TRDN: variants seen among roughly 807,000 people sequenced by gnomAD.
TRDN encodes triadin, also known as triadin in skeletal muscle.
Under a neutral mutation model 149.7 loss-of-function variants are expected in TRDN, and 161 were observed. The ratio of observed to expected loss-of-function variants is 1.08; its 90% CI spans 0.95 to 1.23. TRDN has a LOEUF of 1.23. Among genes scored for constraint, TRDN ranks in the 50% most tolerant of loss-of-function variants. The pLI, the probability that TRDN is intolerant of heterozygous loss-of-function variation, is 0.00. For synonymous variants in TRDN, 294 were observed against 250.5 expected (o/e 1.17, Z -1.64); for missense variants, 896 against 823.5 (o/e 1.09, Z -1.08).
chr6:123,465,635 A>G (rs536254859), intron 9 of TRDN, among the ~76,000 whole-genome samples: 1 of 151,534 alleles, frequency 6.6e-6, no homozygotes, highest in South Asian at 2.1e-4. Flanking sequence ...GAAAACCCAC[A>G]ATCATTTCCA....
intron 35 of TRDN, among the ~76,000 whole-genome samples, chr6:123,259,224 T>C (rs2114585822): frequency 6.6e-6 from 1 of 152,264 alleles, no homozygotes; most frequent in East Asian, 1.9e-4. Context: ...CTTTTCATTG[T>C]GATGTTAGGG....
intron 1 of TRDN, among the ~76,000 whole-genome samples, chr6:123,630,244 G>C (rs1785917692): frequency 6.6e-6 from 1 of 151,798 alleles, no homozygotes; most frequent in African/African-American, 2.4e-5. Flanking sequence ...GTTTCTTTTT[G>C]TTTGAAAGAA....
intron 13 of TRDN, chr6:123,389,411 G>T (rs188995939): frequency 6.6e-6 from 1 of 152,262 alleles, no homozygotes; most frequent in Admixed American, 6.6e-5. Flanking sequence ...ACAACACTTA[G>T]AAAACACTTA....
chr6:123,349,822 A>T, intron 21 of TRDN: 1 of 985,400 alleles, frequency 1.0e-6, no homozygotes, highest in Non-Finnish European at 1.2e-6. Flanking sequence ...CACAAAGAAG[A>T]GAAGAATCTG....
At chr6:123,322,784 G>A (rs941885752) in intron 23 of TRDN, among the ~76,000 whole-genome samples, 6 of 151,862 alleles carry the variant, frequency 4.0e-5, no homozygotes, top group South Asian at 2.1e-4. Context: ...GGGACTATAG[G>A]TGCCTACCAC....
At chr6:123,409,219 A>ACCGCACCCAG (rs1360307248) in intron 12 of TRDN, among the ~76,000 whole-genome samples, 3 of 152,114 alleles carry the variant, frequency 2.0e-5, no homozygotes, top group Non-Finnish European at 4.4e-5. Context: ...TGTCTTGAAA[A>ACCGCACCCAG]CCTATAAAGT....
chr6:123,457,628 A>T, intron 10 of TRDN: 1 of 434,386 alleles, frequency 2.3e-6, no homozygotes, highest in Non-Finnish European at 4.5e-6. Flanking sequence ...TTTACTCAAC[A>T]GTTATTAATA....
At chr6:123,284,603 A>G (rs1385778497) in intron 24 of TRDN, among the ~76,000 whole-genome samples, 1 of 152,106 alleles carries the variant, frequency 6.6e-6, no homozygotes, top group Admixed American at 6.6e-5. Context: ...GAAAACTAGA[A>G]CAGGACAAGG....
intron 10 of TRDN, among the ~76,000 whole-genome samples, chr6:123,446,303 G>T (rs962873808): frequency 1.5e-4 from 23 of 152,010 alleles, no homozygotes; most frequent in Non-Finnish European, 3.1e-4. Context: ...AAGTTAGTGG[G>T]TGCAGCGCAC....
At chr6:123,241,943 A>T (rs1043545687) in intron 38 of TRDN, among the ~76,000 whole-genome samples, 1 of 152,162 alleles carries the variant, frequency 6.6e-6, no homozygotes, top group Non-Finnish European at 1.5e-5. Context: ...CTACTACACT[A>T]TTTCATTTGA....
At chr6:123,368,650 T>C (rs1316175308) in intron 19 of TRDN, among the ~76,000 whole-genome samples, 1 of 152,184 alleles carries the variant, frequency 6.6e-6, no homozygotes, top group African/African-American at 2.4e-5. Context: ...TTCAGAAAAC[T>C]AGAAACTCCA....
At chr6:123,509,837 C>T (rs2114850955) in intron 7 of TRDN, 1 of 151,952 alleles carries the variant, frequency 6.6e-6, no homozygotes, top group South Asian at 2.1e-4. Context: ...TGCTTGAAGA[C>T]CTGTATTTAA....
chr6:123,265,142 G>A (rs1191820375), intron 33 of TRDN, among the ~76,000 whole-genome samples, 176 bp downstream of exon 33: 3 of 151,880 alleles, frequency 2.0e-5, no homozygotes, highest in African/African-American at 7.3e-5. Context: ...TGTCTCCAAG[G>A]TATGCCTGTG....
chr6:123,525,953 T>C (rs1479599687), intron 5 of TRDN, among the ~76,000 whole-genome samples: 6 of 151,976 alleles, frequency 3.9e-5, no homozygotes. Flanking sequence ...TACATATATA[T>C]ATGGACTTTG....
At chr6:123,422,363 C>A (rs1459716961) in intron 12 of TRDN, among the ~76,000 whole-genome samples, 2 of 152,044 alleles carry the variant, frequency 1.3e-5, no homozygotes, top group African/African-American at 4.8e-5. Context: ...GTAAGCCTGA[C>A]ATTTACAGAA....
At chr6:123,567,150 C>A (rs1782334855) in intron 2 of TRDN, among the ~76,000 whole-genome samples, 1 of 152,130 alleles carries the variant, frequency 6.6e-6, no homozygotes, top group Admixed American at 6.5e-5. Context: ...GTAAGGTAAC[C>A]AAGTGTCTTT....
chr6:123,423,898 T>A (rs1020896176), intron 12 of TRDN, among the ~76,000 whole-genome samples: 3 of 152,130 alleles, frequency 2.0e-5, no homozygotes, highest in African/African-American at 7.2e-5. Context: ...ACTTAAAGAC[T>A]ATGGACAGCA....
At chr6:123,474,028 T>C (rs1197310150) in intron 9 of TRDN, among the ~76,000 whole-genome samples, 1 of 150,238 alleles carries the variant, frequency 6.7e-6, no homozygotes, top group Non-Finnish European at 1.5e-5. Context: ...AGGAAGAAAC[T>C]GCATCAACTA....
intron 12 of TRDN, among the ~76,000 whole-genome samples, chr6:123,395,367 C>T (rs1772678111): frequency 6.6e-6 from 1 of 152,114 alleles, no homozygotes; most frequent in African/African-American, 2.4e-5. Flanking sequence ...GTTTCTCTGT[C>T]AGCTGCTTTC....
Sources: allele counts gnomAD v4.1 joint callset (sites outside exome capture counted in the v4.1 genomes callset), GRCh38; gene constraint gnomAD v4.1.1; transcripts MANE v1.5; gene names NCBI Gene and HGNC (gene_info 2026-07-23, HGNC 2026-07-21).